Variants in UBR3 observed in about 807,000 individuals in gnomAD.
UBR3 encodes ubiquitin protein ligase E3 component n-recognin 3.
Under a neutral mutation model 243.2 loss-of-function variants are expected in UBR3, and 85 were observed. That is an observed-to-expected ratio of 0.35 (90% CI 0.29 to 0.42). The LOEUF is 0.42. Among genes scored for constraint, UBR3 ranks in the 10% least tolerant of loss-of-function variants. UBR3 has a pLI of 1.00. For missense variants in UBR3, 1,686 were observed against 2,300.8 expected (o/e 0.73, Z 5.47); for synonymous variants, 748 against 799.8 (o/e 0.94, Z 1.09).
intron 23 of UBR3, among the ~76,000 whole-genome samples, chr2:169,954,194 TC>T (rs2087162082): frequency 6.6e-6 from 1 of 151,028 alleles, no homozygotes; most frequent in Non-Finnish European, 1.5e-5. Context: ...TCTTGTCTTG[TC>T]TTGTCTTGTC....
intron 25 of UBR3, among the ~76,000 whole-genome samples, chr2:169,989,598 CT>C (rs1467974688): frequency 1.3e-5 from 2 of 152,092 alleles, no homozygotes; most frequent in Non-Finnish European, 2.9e-5. Context: ...CTGACATATA[CT>C]TCTATAAAAG....
chr2:170,009,172 G>A (rs1166333806), intron 29 of UBR3, among the ~76,000 whole-genome samples: 1 of 152,024 alleles, frequency 6.6e-6, no homozygotes, highest in Non-Finnish European at 1.5e-5. Context: ...ATAGTACATG[G>A]GGGAAAGTAT....
chr2:169,950,869 A>G (rs1574270017), intron 23 of UBR3, among the ~76,000 whole-genome samples: 1 of 152,026 alleles, frequency 6.6e-6, no homozygotes, highest in South Asian at 2.1e-4. Flanking sequence ...AACTCTTGGA[A>G]AGGGTTCAGT....
In UBR3 at chr2:169,950,890, GA is replaced by G. The variant is rs1194824933; in HGVS notation, c.3545+836del. Among the ~76,000 whole-genome samples, 894 of 140,424 alleles carry G rather than the reference GA, an allele frequency of 6.4e-3. 9 individuals carry two copies. Among genetic ancestry groups the G allele is most frequent in the African/African-American group, 0.022 (827 of 38,282 alleles). The allele number at this position is 140,424 out of a possible 152,430, so 92.1% of individuals were successfully genotyped here. ...TGGAAAGGGTTCAGTGTTTATTAAAGAAAAAAAAAAAGAGCATGCCTTCTAA... is the reference window on the plus strand; with the variant it reads ...TGGAAAGGGTTCAGTGTTTATTAAAGAAAAAAAAAAGAGCATGCCTTCTAA... On this transcript the variant is annotated intron_variant, in intron 23 of 38. Transcript: ENST00000272793.
chr2:169,866,282 C>T (rs2083261792), intron 1 of UBR3, among the ~76,000 whole-genome samples: 2 of 137,980 alleles, frequency 1.4e-5, no homozygotes, highest in African/African-American at 2.7e-5. Context: ...GCAAAAAAAG[C>T]TTTTATGGAA....
chr2:170,054,268 T>G (rs2091284365), intron 32 of UBR3, among the ~76,000 whole-genome samples: 1 of 151,182 alleles, frequency 6.6e-6, no homozygotes, highest in East Asian at 1.9e-4. Flanking sequence ...GACAGGTGCT[T>G]GTCACCACAC....
chr2:169,919,725 G>T (rs12475564), intron 11 of UBR3, among the ~76,000 whole-genome samples: 40,837 of 152,050 alleles, frequency 0.27, 5,687 homozygotes, highest in East Asian at 0.42. Context: ...ATCATCACTG[G>T]CCATCAGAGA....
At chr2:169,850,834 ACT>A (rs2082633461) in intron 1 of UBR3, among the ~76,000 whole-genome samples, 1 of 151,246 alleles carries the variant, frequency 6.6e-6, no homozygotes. Context: ...ACAGAGAGAG[ACT>A]CAGTCTCAAA....
At chr2:169,962,992 G>A (rs564693296) in intron 24 of UBR3, among the ~76,000 whole-genome samples, 1 of 152,274 alleles carries the variant, frequency 6.6e-6, no homozygotes, top group Admixed American at 6.5e-5. Flanking sequence ...TTAGGGTTGG[G>A]AGAAGGGCTG....
intron 10 of UBR3, among the ~76,000 whole-genome samples, chr2:169,908,985 G>A (rs909448693): frequency 1.3e-5 from 2 of 151,924 alleles, no homozygotes; most frequent in African/African-American, 2.4e-5. Context: ...CACCAAGCCC[G>A]GCCAATTTTT....
At chr2:169,941,457 C>T (rs1036278297) in intron 19 of UBR3, among the ~76,000 whole-genome samples, 1 of 152,124 alleles carries the variant, frequency 6.6e-6, no homozygotes, top group Non-Finnish European at 1.5e-5. Flanking sequence ...TGAATTATTT[C>T]TGGAGATTTT....
At chr2:169,910,438 A>T (rs1443988349) in intron 10 of UBR3, among the ~76,000 whole-genome samples, 1 of 152,168 alleles carries the variant, frequency 6.6e-6, no homozygotes, top group African/African-American at 2.4e-5. Flanking sequence ...AATTTTAATT[A>T]TGAGGCTGAG....
chr2:169,866,341 C>T (rs2083263485), intron 1 of UBR3, among the ~76,000 whole-genome samples: 1 of 149,274 alleles, frequency 6.7e-6, no homozygotes, highest in African/African-American at 2.5e-5. Context: ...ATTGTGTGTC[C>T]TAGCTGGAAG....
intron 26 of UBR3, among the ~76,000 whole-genome samples, chr2:169,998,670 A>G (rs2089584698): frequency 1.3e-5 from 2 of 152,224 alleles, no homozygotes; most frequent in Admixed American, 6.5e-5. Flanking sequence ...GGGCACTGAT[A>G]TTGATTATAG....
At chr2:169,996,078 G>T (rs540780312) in intron 26 of UBR3, among the ~76,000 whole-genome samples, 122 of 152,324 alleles carry the variant, frequency 8.0e-4, no homozygotes, top group Non-Finnish European at 1.5e-3. Context: ...TGAAGTGGAA[G>T]AAATTAGTAA....
At chr2:170,046,682 C>T (rs1195645083) in intron 32 of UBR3, among the ~76,000 whole-genome samples, 3 of 152,120 alleles carry the variant, frequency 2.0e-5, no homozygotes, top group African/African-American at 7.2e-5. Context: ...TTAATTATTT[C>T]ATTTCTTAAG....
chr2:169,841,769 G>C (rs997533838), intron 1 of UBR3, among the ~76,000 whole-genome samples: 1 of 152,124 alleles, frequency 6.6e-6, no homozygotes, highest in Non-Finnish European at 1.5e-5. Context: ...CTGCCTTCCC[G>C]CGGGGCAGGG....
At chr2:169,876,081 C>CTTT in intron 3 of UBR3, 132 bp downstream of exon 3, 2 of 600,678 alleles carry the variant, frequency 3.3e-6, no homozygotes, top group South Asian at 4.3e-5. Context: ...ATTAAGAGAA[C>CTTT]TTCTTTTTTT....
rs1356125109 is a variant in UBR3, at chr2:169,895,409, T to C, written c.1236+98T>C. 3.1e-6 allele frequency: 4 copies of C among 1,286,294 alleles called. No individual in the cohort carries two copies. The East Asian group carries it at 8.2e-5, about 26-fold the overall frequency. The allele number at this position is 1,286,294 out of a possible 1,614,324, so 79.7% of individuals were successfully genotyped here. A position where few individuals can be genotyped will look rare whatever the true frequency, so the allele number is the denominator to read the frequency against. ...GATATATTTCTCAGGTGAAGGTTGA[T>C]ATAACACTATAAACAAGTGTTAGTT... On this transcript the variant is annotated intron_variant, in intron 7 of 38. Transcript: ENST00000272793.
Sources: gnomAD v4.1 joint callset for allele counts (sites outside exome capture counted in the v4.1 genomes callset) on GRCh38, gnomAD v4.1.1 for gene constraint, MANE v1.5 for transcripts, NCBI Gene and HGNC (gene_info 2026-07-23, HGNC 2026-07-21) for gene names.